EYS: variants seen among roughly 807,000 people sequenced by gnomAD.
EYS encodes the protein EGF-like photoreceptor maintenance factor.
EYS carries 250 observed loss-of-function variants against 282.1 expected under a neutral mutation model. That is an observed-to-expected ratio of 0.89 (90% CI 0.80 to 0.98). The LOEUF is 0.98. Among genes scored for constraint, EYS ranks in the 50% least tolerant of loss-of-function variants. EYS has a pLI of 0.00. For synonymous variants in EYS, 1,355 were observed against 1,282.9 expected (o/e 1.06, Z -1.20); for missense variants, 4,016 against 3,709.0 (o/e 1.08, Z -2.15).
intron 35 of EYS, among the ~76,000 whole-genome samples, chr6:63,892,788 C>A (rs866905541): frequency 6.6e-6 from 1 of 152,114 alleles, no homozygotes; most frequent in Non-Finnish European, 1.5e-5. Flanking sequence ...TCAGAGTGAA[C>A]AGGCAGCCTA....
chr6:64,084,691 A>G (rs1250375517), intron 31 of EYS, among the ~76,000 whole-genome samples: 2 of 152,160 alleles, frequency 1.3e-5, no homozygotes, highest in Non-Finnish European at 2.9e-5. Context: ...GGCTGGTAAA[A>G]CTGACAAGAT....
intron 26 of EYS, among the ~76,000 whole-genome samples, chr6:64,512,144 T>C (rs1336373599): frequency 6.6e-6 from 1 of 152,122 alleles, no homozygotes; most frequent in Non-Finnish European, 1.5e-5. Context: ...CATATACACA[T>C]ACATATGTGT....
intron 31 of EYS, among the ~76,000 whole-genome samples, chr6:64,227,256 G>A (rs1483056164): frequency 6.6e-6 from 1 of 151,792 alleles, no homozygotes; most frequent in Admixed American, 6.6e-5. Context: ...ATTTTATGGG[G>A]ATTATGATAT....
chr6:65,621,435 G>C (rs1368520167), intron 2 of EYS, among the ~76,000 whole-genome samples: 2 of 150,330 alleles, frequency 1.3e-5, no homozygotes, highest in African/African-American at 2.5e-5. Flanking sequence ...TTTATTTTGA[G>C]CCTATGTGTG....
intron 13 of EYS, among the ~76,000 whole-genome samples, chr6:65,003,416 C>A (rs9354201): frequency 6.8e-6 from 1 of 147,142 alleles, no homozygotes; most frequent in African/African-American, 2.4e-5. Flanking sequence ...ATGTTATCAA[C>A]GAAATGGTGC....
At chr6:65,228,385 G>A (rs1220675427) in intron 12 of EYS, among the ~76,000 whole-genome samples, 3 of 151,312 alleles carry the variant, frequency 2.0e-5, no homozygotes, top group Non-Finnish European at 4.4e-5. Flanking sequence ...TAAATATATA[G>A]TAAATCTGAC....
chr6:64,524,707 A>G (rs535902342), intron 26 of EYS, among the ~76,000 whole-genome samples: 1 of 151,846 alleles, frequency 6.6e-6, no homozygotes, highest in South Asian at 2.1e-4. Flanking sequence ...TTATCCCATC[A>G]CCATTTATTG....
chr6:65,508,147 T>G (rs867419509), intron 2 of EYS, among the ~76,000 whole-genome samples: 1 of 152,122 alleles, frequency 6.6e-6, no homozygotes, highest in African/African-American at 2.4e-5. Context: ...TCAAATTCCT[T>G]TAGTGTCTGG....
chr6:64,280,355 G>A (rs111943859), intron 30 of EYS, among the ~76,000 whole-genome samples: 15 of 152,194 alleles, frequency 9.9e-5, no homozygotes, highest in Non-Finnish European at 2.1e-4. Flanking sequence ...GATAAGAAAA[G>A]AGTATGTTAG....
chr6:64,429,329 A>T (rs2150458359), intron 28 of EYS, among the ~76,000 whole-genome samples: 1 of 152,294 alleles, frequency 6.6e-6, no homozygotes, highest in Non-Finnish European at 1.5e-5. Context: ...GCACTGGAAT[A>T]AATTGAATTA....
At chr6:64,177,148 A>G (rs1400602586) in intron 31 of EYS, among the ~76,000 whole-genome samples, 1 of 151,670 alleles carries the variant, frequency 6.6e-6, no homozygotes, top group African/African-American at 2.4e-5. Context: ...TTTTGTTCAT[A>G]ATTATCAAAG....
intron 36 of EYS, among the ~76,000 whole-genome samples, chr6:63,825,916 G>T (rs1429207793): frequency 6.6e-6 from 1 of 152,120 alleles, no homozygotes; most frequent in Admixed American, 6.6e-5. Context: ...AGTTGAAAAA[G>T]AATTCAGGAG....
At chr6:65,618,065 C>T (rs542615627) in intron 2 of EYS, among the ~76,000 whole-genome samples, 3 of 152,248 alleles carry the variant, frequency 2.0e-5, no homozygotes, top group South Asian at 2.1e-4. Flanking sequence ...TGGGTATATA[C>T]CCAGTAATGG....
chr6:65,152,767 A>G (rs1764642487), intron 12 of EYS, among the ~76,000 whole-genome samples: 1 of 151,872 alleles, frequency 6.6e-6, no homozygotes, highest in Admixed American at 6.6e-5. Flanking sequence ...TAAAATATAT[A>G]AATATATGAA....
At chr6:65,333,977 CAT>C (rs58365446) in intron 11 of EYS, among the ~76,000 whole-genome samples, 12,957 of 148,482 alleles carry the variant, frequency 0.087, 723 homozygotes, top group African/African-American at 0.15. Flanking sequence ...TTCCGTAAAC[CAT>C]ATATATATAT....
chr6:64,838,577 T>C (rs1029778810), intron 19 of EYS, among the ~76,000 whole-genome samples: 4 of 151,230 alleles, frequency 2.6e-5, no homozygotes, highest in Non-Finnish European at 5.9e-5. Context: ...TGTAACAATA[T>C]GGCTATAATA....
At position 65,225,871 on chromosome 6, in the gene EYS, G is replaced by A. The variant is rs553118863; in HGVS notation, c.2023+69992C>T. ...GTAATAAAAACACTCAAGAAACTAC[G>A]AATACAAGGGAACTTCTTTAACATG... On this transcript the variant is annotated intron_variant, in intron 12 of 42. Coordinates refer to ENST00000503581, the MANE Select transcript of EYS (RefSeq NM_001142800.2). 8.6e-5 allele frequency among the ~76,000 whole-genome samples: 13 copies of A among 151,856 alleles called. No individual in the cohort carries two copies. In the East Asian group the frequency reaches 1.7e-3, roughly 20 times the overall value.
chr6:64,139,967 CAATAAATAAATA>C lies in EYS; in HGVS notation c.6425-57977_6425-57966del, dbSNP rs68103337. Among the ~76,000 whole-genome samples the C allele has an allele frequency of 3.6e-3, 521 of 143,748 alleles. 2 individuals are homozygous for C. Among genetic ancestry groups the C allele is most frequent in the African/African-American group, 0.011 (442 of 39,238 alleles). The allele number at this position is 143,748 out of a possible 152,430, so 94.3% of individuals were successfully genotyped here. A position where few individuals can be genotyped will look rare whatever the true frequency, so the allele number is the denominator to read the frequency against. On this transcript the variant is annotated intron_variant, in intron 31 of 42. Transcript: ENST00000503581. ...TGGGTGACAGAGCAAGATTCTGTCT[CAATAAATAAATA>C]AATAAATAAATAAATAAATAAATAA...
intron 13 of EYS, among the ~76,000 whole-genome samples, chr6:65,007,675 C>G (rs375980228): frequency 6.6e-6 from 1 of 152,054 alleles, no homozygotes; most frequent in Admixed American, 6.5e-5. Context: ...TCAACCCAAA[C>G]GGTCCAAAAG....
Sources: allele counts gnomAD v4.1 joint callset (sites outside exome capture counted in the v4.1 genomes callset), GRCh38; gene constraint gnomAD v4.1.1; transcripts MANE v1.5; gene names NCBI Gene and HGNC (gene_info 2026-07-23, HGNC 2026-07-21).